The following USB1 variants were observed in gnomAD, a reference collection of about 807,000 sequenced individuals.
USB1 encodes the protein U6 snRNA biogenesis phosphodiesterase 1.
Under a neutral mutation model 29.9 loss-of-function variants are expected in USB1, and 21 were observed. The ratio of observed to expected loss-of-function variants is 0.70; its 90% CI spans 0.50 to 1.01. The LOEUF is 1.01. Ranked by LOEUF, USB1 falls within the 50% of genes least tolerant of loss-of-function variation. The pLI is 0.00. For missense variants in USB1, 330 were observed against 347.1 expected (o/e 0.95, Z 0.39); for synonymous variants, 143 against 134.9 (o/e 1.06, Z -0.42).
In USB1 at chr16:58,013,002, T is replaced by C. The variant is rs1963533872; in HGVS notation, c.450-1271T>C. On this transcript the variant is annotated intron_variant, in intron 3 of 6. Coordinates refer to ENST00000219281, the MANE Select transcript of USB1 (RefSeq NM_024598.4). The surrounding 1 kb of genome is among the most constrained non-coding windows in gnomAD (Gnocchi z 4.3). ...AACAGCACCTGGACCCCTGGGCTGG[T>C]TCCCTCTGAGGAAAGGATCTGTGTC... 2.0e-6 allele frequency: 2 copies of C among 985,662 alleles called. No homozygotes were observed. Among genetic ancestry groups the C allele is most frequent in the African/African-American group, 3.5e-5 (2 of 57,232 alleles). The allele number at this position is 985,662 out of a possible 1,614,324, so 61.1% of individuals were successfully genotyped here.
At chr16:58,014,743 A>G (rs1963575752) in intron 4 of USB1, among the ~76,000 whole-genome samples, 1 of 152,162 alleles carries the variant, frequency 6.6e-6, no homozygotes, top group Non-Finnish European at 1.5e-5. Flanking sequence ...AGATTGCACC[A>G]CTGCACTCCA....
intron 3 of USB1, chr16:58,012,825 G>C (rs987378032): frequency 1.0e-6 from 1 of 993,964 alleles, no homozygotes; most frequent in Non-Finnish European, 1.2e-6. Flanking sequence ...GGGAAGCCAC[G>C]GCCTGGGCTC....
At chr16:58,003,908 T>C (rs1963293278) in intron 2 of USB1, among the ~76,000 whole-genome samples, 1 of 152,204 alleles carries the variant, frequency 6.6e-6, no homozygotes, top group South Asian at 2.1e-4. Flanking sequence ...GTCTTTTCAT[T>C]CTCTTGACGT....
Position 58,002,652 on chromosome 16 carries a change from G to T in USB1, c.265+7G>T. ...ACCCACGTCTATGTACCATGTGAGT[G>T]ATGTGTGAAAGGCAAGTTGCCAAGA... On this transcript the variant is annotated splice_region_variant and intron_variant, in intron 2 of 6. Transcript: ENST00000219281. 1 of 1,613,750 alleles carries T rather than the reference G, an allele frequency of 6.2e-7. No individual in the cohort carries two copies.
At chr16:58,009,811 G>C (rs1014167858) in intron 2 of USB1, 118 bp from the exon 3 acceptor site, 1 of 1,046,024 alleles carries the variant, frequency 9.6e-7, no homozygotes, top group Non-Finnish European at 1.5e-6. Context: ...TGCTGTCCAA[G>C]TAATTTTCTC....
chr16:58,019,049 A>G lies in USB1; in HGVS notation c.687A>G (p.Glu229=), dbSNP rs1389315548. The G allele has an allele frequency of 1.2e-6, 2 of 1,614,006 alleles. No individual in the cohort carries two copies. The highest frequency in any genetic ancestry group is 3.3e-5 in the Admixed American group (2 of 60,006). ...RLQLEGQCLQ[E]LQAIVDGFED... ...AGCTGGAGGGGCAGTGCCTGCAGGA[A>G]CTACAGGTGAATTTCCAGGGCGGGA... The change falls in exon 6 of 7, where the codon GAA becomes GAG. Residue 229 remains glutamate, a synonymous_variant. Coordinates refer to ENST00000219281, the MANE Select transcript of USB1 (RefSeq NM_024598.4).
At chr16:58,011,968 C>T in intron 3 of USB1, 1 of 1,079,064 alleles carries the variant, frequency 9.3e-7, no homozygotes, top group South Asian at 3.9e-5. Context: ...TGATGGTTTT[C>T]TGACCCTGCC....
At chr16:58,010,854 G>T in intron 3 of USB1, 1 of 611,854 alleles carries the variant, frequency 1.6e-6, no homozygotes, top group Non-Finnish European at 2.9e-6. Context: ...AATCACCAAG[G>T]GAAGCTCCTC....
Position 58,009,601 on chromosome 16 carries a change from C to T in USB1, c.266-328C>T, listed in dbSNP as rs113306277. ...TTATCCAGGCGTGGTGGCGGGCGCC[C>T]GTAGTCCCAGCTACTCGGGAGGCTG... is the stretch of plus-strand genomic sequence containing the variant. On this transcript the variant is annotated intron_variant, in intron 2 of 6. Transcript: ENST00000219281. Among the ~76,000 whole-genome samples, 726 of 151,432 alleles carry T rather than the reference C, an allele frequency of 4.8e-3. 7 individuals carry two copies. Among genetic ancestry groups the T allele is most frequent in the African/African-American group, 0.016 (676 of 41,330 alleles).
chr16:58,002,818 T>C (rs1963261177), intron 2 of USB1, among the ~76,000 whole-genome samples, 173 bp downstream of exon 2: 1 of 152,224 alleles, frequency 6.6e-6, no homozygotes, highest in Non-Finnish European at 1.5e-5. Context: ...GGGATTTTTC[T>C]GTCATCTTGG....
Position 58,013,034 on chromosome 16 carries a change from G to A in USB1, c.450-1239G>A. Reference sequence around the variant, plus strand: ...TGAGGAAAGGATCTGTGTCATGAGTGAAGCCCGGGCAGGTGTGGTCTGTTC... The same window carrying A: ...TGAGGAAAGGATCTGTGTCATGAGTAAAGCCCGGGCAGGTGTGGTCTGTTC... On this transcript the variant is annotated intron_variant, in intron 3 of 6. Transcript: ENST00000219281. The surrounding 1 kb of genome is among the most constrained non-coding windows in gnomAD (Gnocchi z 4.3). The A allele has an allele frequency of 3.0e-6, 3 of 985,644 alleles. No homozygotes were observed. The highest frequency in any genetic ancestry group is 3.6e-6 in the Non-Finnish European group (3 of 830,088). The allele number at this position is 985,644 out of a possible 1,614,324, so 61.1% of individuals were successfully genotyped here. A position where few individuals can be genotyped will look rare whatever the true frequency, so the allele number is the denominator to read the frequency against.
chr16:58,011,691 T>C (rs1307904592), intron 3 of USB1: 20 of 987,842 alleles, frequency 2.0e-5, no homozygotes, highest in Non-Finnish European at 2.4e-5. Flanking sequence ...CAGTTGGTCC[T>C]GTGGTTCTTT....
chr16:58,020,631 C>T lies in USB1; in HGVS notation c.*386C>T, dbSNP rs1281370173. ...TGTCTCTCCTCCCCTCCTCTCTCTTCCTCTCCTCTCTCTCTTCCTCTCCTC... is the reference window on the plus strand; with the variant it reads ...TGTCTCTCCTCCCCTCCTCTCTCTTTCTCTCCTCTCTCTCTTCCTCTCCTC... On this transcript the variant is annotated 3_prime_UTR_variant, in exon 7 of 7. Transcript: ENST00000219281. 4 of 300,958 alleles carry T rather than the reference C, an allele frequency of 1.3e-5. No individual in the cohort carries two copies. The highest frequency in any genetic ancestry group is 7.8e-5 in the African/African-American group (3 of 38,708). The allele number at this position is 300,958 out of a possible 1,614,324, so 18.6% of individuals were successfully genotyped here. A position where few individuals can be genotyped will look rare whatever the true frequency, so the allele number is the denominator to read the frequency against.
At position 58,013,010 on chromosome 16, in the gene USB1, G is replaced by A; in HGVS notation, c.450-1263G>A. On this transcript the variant is annotated intron_variant, in intron 3 of 6. Transcript: ENST00000219281. The surrounding 1 kb of genome is among the most constrained non-coding windows in gnomAD (Gnocchi z 4.3). Reference sequence around the variant, plus strand: ...CTGGACCCCTGGGCTGGTTCCCTCTGAGGAAAGGATCTGTGTCATGAGTGA... The same window carrying A: ...CTGGACCCCTGGGCTGGTTCCCTCTAAGGAAAGGATCTGTGTCATGAGTGA... The A allele has an allele frequency of 1.0e-6, 1 of 985,786 alleles. No individual in the cohort carries two copies. 61.1% of individuals were successfully genotyped at this position (985,786 alleles called of 1,614,324 possible). A position where few individuals can be genotyped will look rare whatever the true frequency, so the allele number is the denominator to read the frequency against.
chr16:58,018,865 C>A, intron 5 of USB1, 107 bp from the exon 6 acceptor site: 1 of 1,115,566 alleles, frequency 9.0e-7, no homozygotes, highest in Non-Finnish European at 1.3e-6. Flanking sequence ...ACTGGGCAGG[C>A]CAGGGATCCA....
intron 3 of USB1, chr16:58,011,694 G>A (rs1410170624): frequency 2.0e-6 from 2 of 987,554 alleles, no homozygotes; most frequent in African/African-American, 3.5e-5. Context: ...TTGGTCCTGT[G>A]GTTCTTTACC....
At chr16:58,003,198 G>A (rs1597043246) in intron 2 of USB1, among the ~76,000 whole-genome samples, 3 of 152,324 alleles carry the variant, frequency 2.0e-5, no homozygotes, top group African/African-American at 7.2e-5. Flanking sequence ...GCGGAGGCAG[G>A]CAGATCACTT....
rs1431114315 is a variant in USB1, at chr16:58,001,505, G to T, written c.22G>T (p.Gly8Cys). 1 of 1,606,248 alleles carries T rather than the reference G, an allele frequency of 6.2e-7. No individual in the cohort carries two copies. The change falls in exon 1 of 7, where the codon GGC (glycine) becomes TGC (cysteine). Residue 8 changes from glycine (G) to cysteine (C), a missense_variant. Gly to Cys is a radical substitution (Grantham distance 159, BLOSUM62 -3). Transcript: ENST00000219281. MSAAPLV[G>C]YSSSGSEDES... ...CCCCATGAGCGCGGCGCCCCTGGTG[G>T]GCTACAGCAGCAGCGGCTCCGAGGA...
At chr16:58,010,780 A>G in intron 3 of USB1, 1 of 552,010 alleles carries the variant, frequency 1.8e-6, no homozygotes. Flanking sequence ...GGTCCCGAGC[A>G]TGGGAGCTTC....
Sources: gnomAD v4.1 joint callset for allele counts (sites outside exome capture counted in the v4.1 genomes callset) on GRCh38, gnomAD v4.1.1 for gene constraint, Gnocchi (gnomAD v3.1) non-coding constraint, MANE v1.5 for transcripts, NCBI Gene and HGNC (gene_info 2026-07-23, HGNC 2026-07-21) for gene names.